Variants in ATP2C2 observed in about 807,000 individuals in gnomAD.
ATP2C2 encodes the protein ATPase secretory pathway Ca2+ transporting 2.
ATP2C2 carries 171 observed loss-of-function variants against 110.8 expected under a neutral mutation model. That is an observed-to-expected ratio of 1.54 (90% CI 1.36 to 1.75). ATP2C2 has a LOEUF of 1.75. Ranked by LOEUF, ATP2C2 falls within the 40% of genes most tolerant of loss-of-function variation. The pLI is 0.00. For synonymous variants in ATP2C2, 804 were observed against 508.4 expected (o/e 1.58, Z -7.82); for missense variants, 1,963 against 1,235.0 (o/e 1.59, Z -8.84).
chr16:84,378,116 C>T (rs1910356610), intron 1 of ATP2C2, among the ~76,000 whole-genome samples: 1 of 152,324 alleles, frequency 6.6e-6, no homozygotes, highest in East Asian at 1.9e-4. Context: ...GCAGGCACTG[C>T]ACCTCACTTT....
intron 23 of ATP2C2, chr16:84,460,348 G>GGA (rs1555508289): frequency 4.9e-6 from 2 of 409,490 alleles, no homozygotes; most frequent in African/African-American, 2.2e-5. Flanking sequence ...GCGCAACGTT[G>GGA]GGGGGGGTCC....
intron 21 of ATP2C2, among the ~76,000 whole-genome samples, chr16:84,458,787 A>T (rs1316715507): frequency 6.6e-6 from 1 of 152,106 alleles, no homozygotes; most frequent in East Asian, 1.9e-4. Context: ...AATCGCGGAG[A>T]TGCACGGCGC....
chr16:84,422,249 C>T, intron 7 of ATP2C2, 141 bp from the exon 8 acceptor site: 1 of 959,206 alleles, frequency 1.0e-6, no homozygotes, highest in Non-Finnish European at 1.5e-6. Flanking sequence ...GCCTCAGAGG[C>T]CGTCGTTGTG....
chr16:84,464,093 A>T lies in ATP2C2; in HGVS notation c.*361A>T, dbSNP rs1026517823. ...GGGCTCCTGAGAGGCAGTGGGTAGG[A>T]TGGTCACACTCTGCCCATTGCCCTC... is the stretch of plus-strand genomic sequence containing the variant. On this transcript the variant is annotated 3_prime_UTR_variant, in exon 27 of 27. Transcript: ENST00000262429. The T allele has an allele frequency of 5.4e-6, 1 of 184,598 alleles. No individual in the cohort carries two copies. The allele number at this position is 184,598 out of a possible 1,614,324, so 11.4% of individuals were successfully genotyped here.
At chr16:84,398,362 T>C (rs1449798147) in intron 1 of ATP2C2, 137 bp from the exon 2 acceptor site, 7 of 422,296 alleles carry the variant, frequency 1.7e-5, no homozygotes, top group Non-Finnish European at 2.4e-5. Context: ...GCTGAGATCA[T>C]GACACTGCAC....
chr16:84,377,566 G>C (rs929844886), intron 1 of ATP2C2, among the ~76,000 whole-genome samples: 2 of 152,040 alleles, frequency 1.3e-5, no homozygotes. Context: ...CTCTGTGCAT[G>C]GCTGTGTCCT....
At chr16:84,445,184 G>A (rs1428092106) in intron 15 of ATP2C2, among the ~76,000 whole-genome samples, 2 of 151,030 alleles carry the variant, frequency 1.3e-5, no homozygotes, top group Non-Finnish European at 2.9e-5. Flanking sequence ...GGTGCTCCCC[G>A]CCACGCCTCT....
At chr16:84,458,706 C>G (rs536185228) in intron 21 of ATP2C2, among the ~76,000 whole-genome samples, 4 of 152,350 alleles carry the variant, frequency 2.6e-5, no homozygotes, top group Middle Eastern at 3.4e-3. Flanking sequence ...CCATCCCTCC[C>G]TCCTTACCGT....
intron 11 of ATP2C2, among the ~76,000 whole-genome samples, chr16:84,428,296 G>A (rs994008980): frequency 1.3e-5 from 2 of 152,232 alleles, no homozygotes; most frequent in Admixed American, 1.3e-4. Context: ...GAATGTACAC[G>A]ATTATCTGGT....
At chr16:84,451,161 G>T (rs1014220416) in intron 17 of ATP2C2, among the ~76,000 whole-genome samples, 1 of 152,100 alleles carries the variant, frequency 6.6e-6, no homozygotes, top group Non-Finnish European at 1.5e-5. Flanking sequence ...CATGGCAGCC[G>T]GCAAGAGAGA....
At position 84,440,945 on chromosome 16, in the gene ATP2C2, GA is replaced by G; in HGVS notation, c.1301del (p.Lys434SerfsTer2). On this transcript the variant is annotated frameshift_variant, in exon 14 of 27. Transcript: ENST00000262429. LOFTEE classifies it high-confidence loss of function. ...VIKEFSNVSV[G>X]KLVEAGCVAN... ...AAGGAATTTTCCAATGTCTCAGTGG[GA>G]AAGTTAGTGGAGGTAGGTGTCAAAA... 4 of 1,611,754 alleles carry G rather than the reference GA, an allele frequency of 2.5e-6. No individual in the cohort carries two copies. Among genetic ancestry groups the G allele is most frequent in the Non-Finnish European group, 3.4e-6 (4 of 1,178,844 alleles).
intron 11 of ATP2C2, among the ~76,000 whole-genome samples, chr16:84,430,883 C>T (rs1567718648): frequency 1.3e-5 from 2 of 152,008 alleles, no homozygotes; most frequent in Admixed American, 6.6e-5. Flanking sequence ...GATCCAAAGC[C>T]GGGCTCCTTG....
intron 21 of ATP2C2, among the ~76,000 whole-genome samples, chr16:84,455,691 C>T (rs1200953657): frequency 6.6e-6 from 1 of 151,244 alleles, no homozygotes; most frequent in Non-Finnish European, 1.5e-5. Flanking sequence ...CTAGGTGGAT[C>T]GTGCACTTTA....
intron 1 of ATP2C2, among the ~76,000 whole-genome samples, chr16:84,374,762 C>T (rs774212568): frequency 6.6e-6 from 1 of 152,182 alleles, no homozygotes; most frequent in Admixed American, 6.5e-5. Flanking sequence ...GATGAGAACA[C>T]AGGCAGCTGC....
intron 11 of ATP2C2, among the ~76,000 whole-genome samples, chr16:84,437,981 G>C (rs1597835193): frequency 6.6e-6 from 1 of 152,268 alleles, no homozygotes; most frequent in South Asian, 2.1e-4. Context: ...TGCTCTGAGT[G>C]GCCTTCTATG....
chr16:84,407,827 C>G (rs187239504), intron 3 of ATP2C2, among the ~76,000 whole-genome samples: 4 of 152,120 alleles, frequency 2.6e-5, no homozygotes, highest in Non-Finnish European at 5.9e-5. Context: ...CTTCTGAATC[C>G]GGTTTTATGT....
chr16:84,390,602 G>C (rs1156701114), intron 1 of ATP2C2, among the ~76,000 whole-genome samples: 2 of 152,174 alleles, frequency 1.3e-5, no homozygotes, highest in African/African-American at 4.8e-5. Context: ...ACAGGAAGCA[G>C]ATGAGTCGTT....
chr16:84,416,981 A>G (rs1567708923), intron 7 of ATP2C2, among the ~76,000 whole-genome samples: 1 of 152,204 alleles, frequency 6.6e-6, no homozygotes, highest in Admixed American at 6.5e-5. Context: ...CAGGTCCGCC[A>G]CAAGGGCTGG....
chr16:84,447,752 AAT>A (rs1491269531), intron 16 of ATP2C2, among the ~76,000 whole-genome samples: 3 of 140,956 alleles, frequency 2.1e-5, no homozygotes, highest in Admixed American at 1.4e-4. Flanking sequence ...TATAATATAT[AAT>A]ATACATATAA....
Sources: allele counts gnomAD v4.1 joint callset (sites outside exome capture counted in the v4.1 genomes callset), GRCh38; gene constraint gnomAD v4.1.1; transcripts MANE v1.5; gene names NCBI Gene and HGNC (gene_info 2026-07-23, HGNC 2026-07-21).